Variants in GRK7 observed in about 807,000 individuals in gnomAD.
GRK7 encodes G protein-coupled receptor kinase 7.
GRK7 carries 24 observed loss-of-function variants against 34.1 expected under a neutral mutation model. That is an observed-to-expected ratio of 0.70 (90% confidence interval 0.51 to 0.99). The LOEUF (loss-of-function observed/expected upper bound fraction) is 0.99, where lower values mean the gene tolerates loss of function less well. Ranked by LOEUF, GRK7 falls within the 50% of genes least tolerant of loss-of-function variation. GRK7 has a pLI of 0.00. For synonymous variants in GRK7, 256 were observed against 279.4 expected (o/e 0.92, Z 0.84); for missense variants, 644 against 707.3 (o/e 0.91, Z 1.02).
chr3:141,763,018 C>A (rs2084563824), upstream of GRK7, among the ~76,000 whole-genome samples: 1 of 152,236 alleles, frequency 6.6e-6, no homozygotes, highest in South Asian at 2.1e-4. Flanking sequence ...TGGCCTGCGC[C>A]CACTGTCTGG....
chr3:141,772,390 G>A (rs924638532), intron 1 of GRK7, among the ~76,000 whole-genome samples: 1 of 152,214 alleles, frequency 6.6e-6, no homozygotes, highest in Non-Finnish European at 1.5e-5. Flanking sequence ...ACTGTGTCCG[G>A]CCTTTTTGGG....
rs893481016 is a variant in GRK7, at chr3:141,804,827, A to G, written c.1051-2818A>G. Among the ~76,000 whole-genome samples the G allele has an allele frequency of 3.1e-4, 47 of 151,192 alleles. 2 individuals are homozygous for G. Among genetic ancestry groups the G allele is most frequent in the Non-Finnish European group, 4.4e-5 (3 of 67,922 alleles). Reference sequence around the variant, plus strand: ...CACATGCACATACAAACATGCTCACATACACTCACATGCACACATACACAT... The same window carrying G: ...CACATGCACATACAAACATGCTCACGTACACTCACATGCACACATACACAT... On this transcript the variant is annotated intron_variant, in intron 4 of 5. Transcript: ENST00000682958.
chr3:141,782,304 G>A (rs1387195244), intron 4 of GRK7, among the ~76,000 whole-genome samples: 1 of 152,196 alleles, frequency 6.6e-6, no homozygotes, highest in Non-Finnish European at 1.5e-5. Context: ...GCAAATTGGA[G>A]CTTTTGGAAA....
In GRK7 at chr3:141,783,459, C is replaced by CAGGT. The variant is rs74437958; in HGVS notation, c.1050+2650_1050+2653dup. 7.4e-3 allele frequency among the ~76,000 whole-genome samples: 1,124 copies of CAGGT among 152,280 alleles called. 9 individuals are homozygous for CAGGT. The highest frequency in any genetic ancestry group is 0.015 in the Admixed American group (235 of 15,302). On this transcript the variant is annotated intron_variant, in intron 4 of 5. Transcript: ENST00000682958. ...GGATGAAGAACAGCTGGATATTGAG[C>CAGGT]AGGTAACTAGCAGCCTCTGCCACAG...
At chr3:141,793,362 A>G (rs769069667) in intron 4 of GRK7, among the ~76,000 whole-genome samples, 7 of 152,162 alleles carry the variant, frequency 4.6e-5, no homozygotes, top group Non-Finnish European at 1.0e-4. Flanking sequence ...ATGGATTTGA[A>G]TTAGAGGACA....
At chr3:141,814,422 T>C (rs1711126336) in intron 5 of GRK7, among the ~76,000 whole-genome samples, 1 of 152,194 alleles carries the variant, frequency 6.6e-6, no homozygotes, top group South Asian at 2.1e-4. Flanking sequence ...TTCCCATCTT[T>C]ATGTCCATGT....
chr3:141,805,334 C>A (rs946638273), intron 4 of GRK7, among the ~76,000 whole-genome samples: 1 of 152,174 alleles, frequency 6.6e-6, no homozygotes. Context: ...ATCTAGTCAC[C>A]GTCTTTGTCG....
rs146245006 is a variant in GRK7 at position 141,816,999 on chromosome 3, G to A, written c.1611G>A (p.Thr537=). 9.3e-6 allele frequency: 15 copies of A among 1,612,546 alleles called. No homozygotes were observed. The highest frequency in any genetic ancestry group is 3.3e-5 in the Admixed American group (2 of 59,732). ...FEELNDPNRP[T]GCEEGNSSKS... is the part of the protein sequence containing the mutation. ...AACTGAATGACCCCAACAGACCTAC[G>A]GGTTGTGAGGAGGGTAATTCATCCA... Residue 537 remains threonine, a synonymous_variant, in exon 6 of 6, where the codon ACG becomes ACA. Transcript: ENST00000682958.
Position 141,816,932 on chromosome 3 carries a change from T to TA in GRK7, c.1545dup (p.Ala516SerfsTer13). ...AACTTTGCGACAGGTGCTGTTCCTA[T>TA]AGCATGGCAGGAAGAAATTATAGAA... On this transcript the variant is annotated frameshift_variant, in exon 6 of 6. Coordinates refer to ENST00000682958, the MANE Select transcript of GRK7 (RefSeq NM_139209.3). LOFTEE classifies it high-confidence loss of function. The TA allele has an allele frequency of 6.2e-7, 1 of 1,614,038 alleles. No individual in the cohort carries two copies. Among genetic ancestry groups the TA allele is most frequent in the Non-Finnish European group, 8.5e-7 (1 of 1,179,944 alleles).
At chr3:141,763,296 A>AC (rs145486137), upstream of GRK7, among the ~76,000 whole-genome samples, 9,855 of 152,254 alleles carry the variant, frequency 0.065, 322 homozygotes, top group South Asian at 0.11. Context: ...GGCATAAGGC[A>AC]CCTAATAAAG....
chr3:141,776,806 C>T (rs1044728281), intron 2 of GRK7, among the ~76,000 whole-genome samples: 2 of 148,980 alleles, frequency 1.3e-5, no homozygotes, highest in African/African-American at 2.6e-5. Flanking sequence ...TTCTCCCTCT[C>T]TCTTTTTTTT....
At chr3:141,749,994 G>A in the GRK7 span, among the ~76,000 whole-genome samples, 1 of 151,184 alleles carries the variant, frequency 6.6e-6, no homozygotes, top group Non-Finnish European at 1.5e-5. Context: ...TCCAGCCTGG[G>A]CGACAGAGCG....
At chr3:141,797,351 G>A (rs1408391619) in intron 4 of GRK7, among the ~76,000 whole-genome samples, 1 of 152,154 alleles carries the variant, frequency 6.6e-6, no homozygotes, top group Non-Finnish European at 1.5e-5. Flanking sequence ...CATGCGGGGC[G>A]GGCGGAGCCT....
intron 1 of GRK7, among the ~76,000 whole-genome samples, chr3:141,766,250 G>A (rs527846096): frequency 6.6e-6 from 1 of 151,544 alleles, no homozygotes; most frequent in African/African-American, 2.4e-5. Flanking sequence ...AGCAAGCTCT[G>A]CCTCACGGGT....
At chr3:141,754,432 CTTTTT>C in the GRK7 span, among the ~76,000 whole-genome samples, 2 of 119,604 alleles carry the variant, frequency 1.7e-5, no homozygotes, top group Admixed American at 8.9e-5. Context: ...TCACCACTGT[CTTTTT>C]TTTTTTTTTT....
intron 4 of GRK7, among the ~76,000 whole-genome samples, chr3:141,801,004 G>T (rs909038332): frequency 4.9e-4 from 75 of 152,044 alleles, no homozygotes; most frequent in Admixed American, 4.9e-3. Context: ...TCTATGTCTA[G>T]CCATCAGTTT....
intron 4 of GRK7, among the ~76,000 whole-genome samples, chr3:141,790,729 A>T (rs2084720325): frequency 6.6e-6 from 1 of 152,052 alleles, no homozygotes. Flanking sequence ...ACACTCGGCT[A>T]ATTTGTGTAT....
In GRK7 at chr3:141,799,903, G is replaced by A. The variant is rs537592014; in HGVS notation, c.1051-7742G>A. ...CCACTTTCACCCTACACCTTCTACCGAGCAACTTAGGTTTATCCAGTATCC... is the reference window on the plus strand; with the variant it reads ...CCACTTTCACCCTACACCTTCTACCAAGCAACTTAGGTTTATCCAGTATCC... On this transcript the variant is annotated intron_variant, in intron 4 of 5. Transcript: ENST00000682958. Among the ~76,000 whole-genome samples the A allele has an allele frequency of 5.9e-5, 9 of 152,158 alleles. No individual in the cohort carries two copies. In the East Asian group the frequency reaches 9.6e-4, roughly 16 times the overall value.
At chr3:141,812,600 G>A (rs1341930114) in intron 5 of GRK7, among the ~76,000 whole-genome samples, 1 of 152,212 alleles carries the variant, frequency 6.6e-6, no homozygotes, top group African/African-American at 2.4e-5. Context: ...ATCTAGTTGG[G>A]TTGTTGAAGA....
Sources: gnomAD v4.1 joint callset for allele counts (sites outside exome capture counted in the v4.1 genomes callset) on GRCh38, gnomAD v4.1.1 for gene constraint, MANE v1.5 for transcripts, NCBI Gene and HGNC (gene_info 2026-07-23, HGNC 2026-07-21) for gene names.